The following DCC variants were observed in gnomAD, a reference collection of about 807,000 sequenced individuals.
DCC encodes netrin receptor DCC.
In DCC, 58 loss-of-function variants were observed where a neutral mutation model predicts 172.5. That is an observed-to-expected ratio of 0.34 (90% CI 0.27 to 0.42). DCC has a LOEUF of 0.42. Ranked by LOEUF, DCC falls within the 10% of genes least tolerant of loss-of-function variation. The pLI is 1.00. For missense variants in DCC, 1,740 were observed against 1,791.0 expected, an observed-to-expected ratio of 0.97 and a Z score of 0.51; for synonymous variants, 709 against 644.5, an observed-to-expected ratio of 1.10 and a Z score of -1.52.
intron 1 of DCC, among the ~76,000 whole-genome samples, chr18:52,427,350 G>T (rs970849184): frequency 6.6e-6 from 1 of 151,858 alleles, no homozygotes; most frequent in Non-Finnish European, 1.5e-5. Flanking sequence ...TTAACTCTAT[G>T]ATCACTTTTT....
At chr18:53,169,547 C>A (rs1007268855) in intron 8 of DCC, among the ~76,000 whole-genome samples, 1 of 152,112 alleles carries the variant, frequency 6.6e-6, no homozygotes, top group Non-Finnish European at 1.5e-5. Flanking sequence ...ACACTGCCAA[C>A]TTAGAGTTAG....
At chr18:52,630,130 A>C (rs2034648283) in intron 1 of DCC, among the ~76,000 whole-genome samples, 1 of 152,094 alleles carries the variant, frequency 6.6e-6, no homozygotes, top group Admixed American at 6.6e-5. Flanking sequence ...AAAGTAAGAA[A>C]GGATACTTTA....
chr18:53,045,672 G>A lies in DCC; in HGVS notation c.986-17633G>A, dbSNP rs567971450. Reference sequence around the variant, plus strand: ...AAAATCCCTAGACTTCTTTTGATTTGCCCTGCTGTTAAACATGCACTAGAT... The same window carrying A: ...AAAATCCCTAGACTTCTTTTGATTTACCCTGCTGTTAAACATGCACTAGAT... On this transcript the variant is annotated intron_variant, in intron 5 of 28. Coordinates refer to ENST00000442544, the MANE Select transcript of DCC (RefSeq NM_005215.4). Among the ~76,000 whole-genome samples the A allele has an allele frequency of 2.6e-5, 4 of 151,856 alleles. No individual in the cohort carries two copies. The South Asian group carries it at 8.3e-4, about 32-fold the overall frequency.
intron 24 of DCC, among the ~76,000 whole-genome samples, chr18:53,464,538 A>C (rs981555553): frequency 9.2e-5 from 14 of 152,174 alleles, no homozygotes; most frequent in African/African-American, 3.1e-4. Context: ...CTACCAAAAA[A>C]TTTTATGCTT....
chr18:53,367,685 C>T (rs1230107981), intron 15 of DCC, among the ~76,000 whole-genome samples: 1 of 152,062 alleles, frequency 6.6e-6, no homozygotes, highest in Non-Finnish European at 1.5e-5. Flanking sequence ...CCATTCTCCT[C>T]CCTCCCTGTC....
intron 1 of DCC, among the ~76,000 whole-genome samples, chr18:52,561,067 A>G (rs2144739673): frequency 6.6e-6 from 1 of 152,254 alleles, no homozygotes; most frequent in African/African-American, 2.4e-5. Context: ...ACTGATATAT[A>G]GGAAAAGAAT....
At chr18:53,171,898 C>A (rs1401710358) in intron 8 of DCC, among the ~76,000 whole-genome samples, 1 of 151,362 alleles carries the variant, frequency 6.6e-6, no homozygotes, top group African/African-American at 2.4e-5. Context: ...GGTGAGGCTG[C>A]AGAGAAAAGG....
intron 1 of DCC, among the ~76,000 whole-genome samples, chr18:52,564,269 TTTGC>T (rs1320826282): frequency 6.6e-6 from 1 of 152,108 alleles, no homozygotes; most frequent in Non-Finnish European, 1.5e-5. Flanking sequence ...GTGCATATTA[TTTGC>T]TTTATAGTCA....
intron 12 of DCC, among the ~76,000 whole-genome samples, chr18:53,301,093 CTCTT>C (rs1005845878): frequency 1.4e-5 from 2 of 139,616 alleles, no homozygotes; most frequent in African/African-American, 5.3e-5. Flanking sequence ...CTTTCTTTCT[CTCTT>C]TCTTTTTCCG....
chr18:53,410,300 GA>G (rs908490716), intron 19 of DCC, 151 bp from the exon 20 acceptor site: 6 of 626,642 alleles, frequency 9.6e-6, no homozygotes, highest in South Asian at 3.6e-5. Context: ...CTTGCATTAT[GA>G]AAAAAAGACA....
intron 1 of DCC, among the ~76,000 whole-genome samples, chr18:52,603,059 C>T (rs2034051290): frequency 6.6e-6 from 1 of 151,952 alleles, no homozygotes; most frequent in Non-Finnish European, 1.5e-5. Context: ...TGCTTTTGAA[C>T]ATGTAGCTCA....
intron 20 of DCC, among the ~76,000 whole-genome samples, chr18:53,414,502 C>CTTTTTAG (rs1910184154): frequency 6.6e-6 from 1 of 152,090 alleles, no homozygotes; most frequent in Non-Finnish European, 1.5e-5. Context: ...CAGCTTTTTA[C>CTTTTTAG]TTTTCAATTA....
At chr18:52,418,335 T>C (rs867897838) in intron 1 of DCC, among the ~76,000 whole-genome samples, 1 of 152,132 alleles carries the variant, frequency 6.6e-6, no homozygotes, top group African/African-American at 2.4e-5. Flanking sequence ...ATGAAATGAA[T>C]AGATAAACTA....
intron 5 of DCC, among the ~76,000 whole-genome samples, chr18:52,979,546 T>C (rs531748577): frequency 2.6e-5 from 4 of 152,294 alleles, no homozygotes; most frequent in Admixed American, 2.6e-4. Context: ...TCAAGTTGTA[T>C]TCGTCAAATT....
At chr18:52,445,912 TTTTG>T (rs1008866663) in intron 1 of DCC, among the ~76,000 whole-genome samples, 2 of 152,092 alleles carry the variant, frequency 1.3e-5, no homozygotes, top group Non-Finnish European at 2.9e-5. Context: ...CTTACCAGTT[TTTTG>T]TTTGTTTGTT....
chr18:52,797,695 A>G (rs2037901914), intron 2 of DCC, among the ~76,000 whole-genome samples: 1 of 152,174 alleles, frequency 6.6e-6, no homozygotes, highest in Non-Finnish European at 1.5e-5. Context: ...AGGCACCAGC[A>G]GTGGTAGGTA....
At chr18:52,544,363 C>G (rs143480747) in intron 1 of DCC, among the ~76,000 whole-genome samples, 1 of 152,124 alleles carries the variant, frequency 6.6e-6, no homozygotes, top group Non-Finnish European at 1.5e-5. Flanking sequence ...AGCCAAGGAA[C>G]AAGATGGTCA....
At chr18:53,015,481 C>T (rs2041795242) in intron 5 of DCC, among the ~76,000 whole-genome samples, 1 of 152,054 alleles carries the variant, frequency 6.6e-6, no homozygotes, top group African/African-American at 2.4e-5. Flanking sequence ...TGTTTAGTTG[C>T]TAGTGGCTTT....
At chr18:53,412,210 T>C (rs1417699996) in intron 20 of DCC, among the ~76,000 whole-genome samples, 6 of 152,104 alleles carry the variant, frequency 3.9e-5, no homozygotes, top group Admixed American at 3.9e-4. Flanking sequence ...GTTCAAAGAG[T>C]TATTTCTAAT....
Sources: allele counts gnomAD v4.1 joint callset (sites outside exome capture counted in the v4.1 genomes callset), GRCh38; gene constraint gnomAD v4.1.1; transcripts MANE v1.5; gene names NCBI Gene and HGNC (gene_info 2026-07-23, HGNC 2026-07-21).